CDH13: variants seen among roughly 807,000 people sequenced by gnomAD.
CDH13 encodes cadherin 13.
CDH13 carries 24 observed loss-of-function variants against 63.8 expected under a neutral mutation model. The ratio of observed to expected loss-of-function variants is 0.38; its 90% confidence interval spans 0.27 to 0.53. The LOEUF (loss-of-function observed/expected upper bound fraction) is 0.53. CDH13 is among the 20% of genes least tolerant of loss of function. The pLI, the probability that CDH13 is intolerant of heterozygous loss-of-function variation, is 0.85. For synonymous variants in CDH13, 503 were observed against 355.3 expected (o/e 1.42, Z -4.67); for missense variants, 1,049 against 903.1 (o/e 1.16, Z -2.07).
At chr16:83,042,638 C>T (rs1917425903) in intron 3 of CDH13, among the ~76,000 whole-genome samples, 1 of 152,192 alleles carries the variant, frequency 6.6e-6, no homozygotes, top group South Asian at 2.1e-4. Flanking sequence ...GAAAAATTGT[C>T]TTCCATGAAA....
chr16:83,562,465 T>G (rs754353415), intron 7 of CDH13, among the ~76,000 whole-genome samples: 3 of 152,244 alleles, frequency 2.0e-5, no homozygotes, highest in Non-Finnish European at 4.4e-5. Flanking sequence ...TACATTTGGA[T>G]TCTATGTATT....
intron 2 of CDH13, among the ~76,000 whole-genome samples, chr16:82,982,687 A>G (rs1242097371): frequency 6.6e-6 from 1 of 152,182 alleles, no homozygotes; most frequent in African/African-American, 2.4e-5. Context: ...GCACCAACCT[A>G]GTAGTTGCAG....
intron 3 of CDH13, among the ~76,000 whole-genome samples, chr16:83,085,704 T>C (rs2033548073): frequency 1.3e-5 from 2 of 152,140 alleles, no homozygotes. Context: ...GAGAAATAAA[T>C]GTTAGGGAGA....
chr16:83,012,517 A>G (rs1425350879), intron 2 of CDH13, among the ~76,000 whole-genome samples: 8 of 152,152 alleles, frequency 5.3e-5, no homozygotes, highest in Admixed American at 5.2e-4. Context: ...GAAAAATTAG[A>G]CATCTTCGTC....
intron 8 of CDH13, among the ~76,000 whole-genome samples, chr16:83,621,828 G>T (rs867211677): frequency 2.0e-5 from 3 of 151,900 alleles, no homozygotes. Context: ...AATGTTTTGT[G>T]CAAGGCCTGG....
At chr16:83,568,650 G>A (rs1288830563) in intron 7 of CDH13, among the ~76,000 whole-genome samples, 1 of 152,162 alleles carries the variant, frequency 6.6e-6, no homozygotes, top group African/African-American at 2.4e-5. Flanking sequence ...CTCCTTGCTG[G>A]TAGATGGGAA....
intron 1 of CDH13, among the ~76,000 whole-genome samples, chr16:82,733,838 A>T (rs1342760364): frequency 6.6e-6 from 1 of 152,252 alleles, no homozygotes; most frequent in Non-Finnish European, 1.5e-5. Flanking sequence ...TTGCCTGAAT[A>T]TGTATGCACT....
intron 2 of CDH13, among the ~76,000 whole-genome samples, chr16:82,898,811 A>C (rs2041358068): frequency 6.6e-6 from 1 of 152,192 alleles, no homozygotes; most frequent in Non-Finnish European, 1.5e-5. Flanking sequence ...TGGAATTCTA[A>C]GTGAAGTTGT....
intron 6 of CDH13, among the ~76,000 whole-genome samples, chr16:83,443,400 C>T (rs544580406): frequency 3.3e-5 from 5 of 152,192 alleles, no homozygotes; most frequent in South Asian, 2.1e-4. Context: ...ATTCTCAGTG[C>T]GTGTTGAATG....
intron 7 of CDH13, among the ~76,000 whole-genome samples, chr16:83,527,747 A>G (rs547302768): frequency 4.6e-5 from 7 of 152,340 alleles, no homozygotes; most frequent in East Asian, 1.9e-4. Flanking sequence ...AAGCAACCCT[A>G]TAAATGCCAG....
chr16:83,797,111 TC>T lies in CDH13; in HGVS notation c.*2085del, dbSNP rs1904285546. 1 of 152,184 alleles carries T rather than the reference TC, an allele frequency of 6.6e-6. No individual in the cohort carries two copies. The highest frequency in any genetic ancestry group is 1.5e-5 in the Non-Finnish European group (1 of 68,044). 9.4% of individuals were successfully genotyped at this position (152,184 alleles called of 1,614,324 possible). ...CACGCGTCTCCCGGGCGCACCTTGC[TC>T]CCCTCTTCCTGCAAGGCAGGGGGAG... On this transcript the variant is annotated 3_prime_UTR_variant, in exon 14 of 14. Coordinates refer to ENST00000567109, the MANE Select transcript of CDH13 (RefSeq NM_001257.5).
At chr16:82,855,557 C>T (rs557063948) in intron 1 of CDH13, among the ~76,000 whole-genome samples, 2 of 152,294 alleles carry the variant, frequency 1.3e-5, no homozygotes, top group East Asian at 3.9e-4. Flanking sequence ...TGCAAAATTG[C>T]CAGCAGATTT....
intron 12 of CDH13, among the ~76,000 whole-genome samples, chr16:83,782,685 A>G (rs1036304875): frequency 1.3e-5 from 2 of 151,330 alleles, no homozygotes; most frequent in Non-Finnish European, 2.9e-5. Context: ...GCAATGAGCC[A>G]AGATTGCACC....
At chr16:83,258,671 A>G (rs1906582362) in intron 5 of CDH13, among the ~76,000 whole-genome samples, 1 of 152,232 alleles carries the variant, frequency 6.6e-6, no homozygotes, top group Non-Finnish European at 1.5e-5. Flanking sequence ...CATTAACGCA[A>G]GAAGAGAATC....
intron 5 of CDH13, among the ~76,000 whole-genome samples, chr16:83,237,665 C>T (rs148081645): frequency 3.3e-5 from 5 of 152,258 alleles, no homozygotes; most frequent in African/African-American, 7.2e-5. Context: ...TCACGTGGGC[C>T]TATGTTTTAA....
At chr16:83,537,843 C>A (rs905212260) in intron 7 of CDH13, among the ~76,000 whole-genome samples, 1 of 152,136 alleles carries the variant, frequency 6.6e-6, no homozygotes, top group Non-Finnish European at 1.5e-5. Flanking sequence ...CCCATGTTTC[C>A]TACCATATTT....
intron 7 of CDH13, among the ~76,000 whole-genome samples, chr16:83,494,678 G>A (rs951624649): frequency 6.6e-5 from 10 of 152,324 alleles, no homozygotes; most frequent in African/African-American, 1.9e-4. Context: ...CTGGAAAGCA[G>A]TTTGCAGAGA....
chr16:82,818,059 A>T (rs1410165427), intron 1 of CDH13, among the ~76,000 whole-genome samples: 3 of 152,112 alleles, frequency 2.0e-5, no homozygotes, highest in African/African-American at 7.2e-5. Context: ...ATACATGACT[A>T]TACGCACAAT....
chr16:83,379,141 G>A (rs1288253284), intron 6 of CDH13, among the ~76,000 whole-genome samples: 1 of 152,016 alleles, frequency 6.6e-6, no homozygotes, highest in Non-Finnish European at 1.5e-5. Flanking sequence ...CTGGTTTGTT[G>A]GCAATTATTC....
Sources: allele counts gnomAD v4.1 joint callset (sites outside exome capture counted in the v4.1 genomes callset), GRCh38; gene constraint gnomAD v4.1.1; transcripts MANE v1.5; gene names NCBI Gene and HGNC (gene_info 2026-07-23, HGNC 2026-07-21).